Variants in NKAIN2 observed in about 807,000 individuals in gnomAD.
NKAIN2 encodes the protein sodium/potassium transporting ATPase interacting 2, also known as sodium/potassium-transporting ATPase subunit beta-1-interacting protein 2.
In NKAIN2, 14 loss-of-function variants were observed where a neutral mutation model predicts 32.6. That is an observed-to-expected ratio of 0.43 (90% confidence interval 0.28 to 0.67). NKAIN2 has a LOEUF of 0.67. Ranked by LOEUF, NKAIN2 falls within the 30% of genes least tolerant of loss-of-function variation. The pLI, the probability that NKAIN2 is intolerant of heterozygous loss-of-function variation, is 0.17. For missense variants in NKAIN2, 198 were observed against 258.3 expected (o/e 0.77, Z 1.60); for synonymous variants, 80 against 87.2 (o/e 0.92, Z 0.46).
intron 3 of NKAIN2, among the ~76,000 whole-genome samples, chr6:124,585,685 T>C (rs1781687270): frequency 6.6e-6 from 1 of 152,178 alleles, no homozygotes; most frequent in Non-Finnish European, 1.5e-5. Context: ...ATATAAAAGA[T>C]GTCCAAAATT....
At position 123,853,775 on chromosome 6, in the gene NKAIN2, C is replaced by CT. The variant is rs1247862956; in HGVS notation, c.54+49535dup. On this transcript the variant is annotated intron_variant, in intron 1 of 6. Coordinates refer to ENST00000368417, the MANE Select transcript of NKAIN2 (RefSeq NM_001040214.3). The stretch of plus-strand genomic sequence containing the variant: ...AATGAAATTGTAAAAGATAAATTTC[C>CT]TTTTTTTTTTTTTTGAGATAGAATT... Among the ~76,000 whole-genome samples the CT allele has an allele frequency of 7.0e-3, 985 of 141,296 alleles. 5 individuals are homozygous for CT. Among genetic ancestry groups the CT allele is most frequent in the Admixed American group, 0.017 (237 of 14,050 alleles). 92.7% of individuals were successfully genotyped at this position (141,296 alleles called of 152,430 possible).
At chr6:124,497,874 C>T (rs1249871057) in intron 3 of NKAIN2, among the ~76,000 whole-genome samples, 6 of 136,626 alleles carry the variant, frequency 4.4e-5, no homozygotes, top group African/African-American at 1.3e-4. Context: ...GATTCAAAAT[C>T]TCCAGAAAAA....
intron 4 of NKAIN2, among the ~76,000 whole-genome samples, chr6:124,729,949 C>G (rs1583746757): frequency 6.8e-6 from 1 of 147,534 alleles, no homozygotes; most frequent in East Asian, 2.0e-4. Context: ...TGAGTGAACT[C>G]CCATTCACAA....
chr6:124,163,871 C>T (rs1017829295), intron 1 of NKAIN2, among the ~76,000 whole-genome samples: 3 of 151,946 alleles, frequency 2.0e-5, no homozygotes, highest in African/African-American at 7.2e-5. Flanking sequence ...CAGTTAGTCT[C>T]CATTGATACA....
chr6:124,349,032 T>C (rs928552466), intron 2 of NKAIN2, among the ~76,000 whole-genome samples: 2 of 152,176 alleles, frequency 1.3e-5, no homozygotes, highest in South Asian at 2.1e-4. Context: ...GTTAGTACAA[T>C]GTTCCTTAGG....
chr6:123,952,907 A>G (rs1777393956), intron 1 of NKAIN2, among the ~76,000 whole-genome samples: 1 of 151,984 alleles, frequency 6.6e-6, no homozygotes, highest in Non-Finnish European at 1.5e-5. Context: ...GTTGTTGGAG[A>G]GTCACTGTAT....
Position 124,030,135 on chromosome 6 carries a change from G to A in NKAIN2, c.54+225881G>A, listed in dbSNP as rs543338893. Reference sequence around the variant, plus strand: ...TCACTGTCTCCCATCACCCCCATATGGGACTGTCTAGTGCAGGAAAACATG... The same window carrying A: ...TCACTGTCTCCCATCACCCCCATATAGGACTGTCTAGTGCAGGAAAACATG... On this transcript the variant is annotated intron_variant, in intron 1 of 6. Transcript: ENST00000368417. Among the ~76,000 whole-genome samples the A allele has an allele frequency of 9.9e-5, 15 of 152,226 alleles. No homozygotes were observed. The South Asian group carries it at 3.1e-3, about 32-fold the overall frequency.
intron 3 of NKAIN2, among the ~76,000 whole-genome samples, chr6:124,450,270 A>G (rs1322517066): frequency 1.3e-5 from 2 of 151,734 alleles, no homozygotes; most frequent in Admixed American, 6.6e-5. Context: ...ATTCAAGACA[A>G]TTGTTTTTCT....
At chr6:124,706,235 CACTTT>C (rs962083340) in intron 4 of NKAIN2, among the ~76,000 whole-genome samples, 77 of 152,080 alleles carry the variant, frequency 5.1e-4, no homozygotes, top group African/African-American at 1.8e-3. Context: ...GTCTTTACTT[CACTTT>C]ATTATTACAA....
intron 1 of NKAIN2, among the ~76,000 whole-genome samples, chr6:123,978,762 T>C (rs917561927): frequency 3.9e-5 from 6 of 152,198 alleles, no homozygotes; most frequent in Non-Finnish European, 7.4e-5. Context: ...TATTTTCAAC[T>C]GGTTGACTTG....
intron 1 of NKAIN2, among the ~76,000 whole-genome samples, chr6:123,976,310 T>TTCATATATATATATGTTC (rs1778583187): frequency 1.5e-5 from 1 of 67,680 alleles, no homozygotes; most frequent in Non-Finnish European, 3.1e-5. Context: ...TATATATGTT[T>TTCATATATATATATGTTC]CCATATATAT....
intron 1 of NKAIN2, among the ~76,000 whole-genome samples, chr6:124,140,327 T>G (rs1787072745): frequency 6.6e-6 from 1 of 152,178 alleles, no homozygotes; most frequent in South Asian, 2.1e-4. Flanking sequence ...AAAGCATAAA[T>G]TTATAATACG....
At chr6:123,873,954 A>G (rs1308064117) in intron 1 of NKAIN2, among the ~76,000 whole-genome samples, 3 of 150,716 alleles carry the variant, frequency 2.0e-5, no homozygotes, top group African/African-American at 7.4e-5. Flanking sequence ...TTTATTGTTA[A>G]AACAATGTTT....
intron 2 of NKAIN2, among the ~76,000 whole-genome samples, chr6:124,340,071 A>C (rs1018448802): frequency 6.6e-6 from 1 of 152,272 alleles, no homozygotes; most frequent in East Asian, 1.9e-4. Flanking sequence ...TTTTATTAGA[A>C]TTCTAAAACT....
intron 1 of NKAIN2, among the ~76,000 whole-genome samples, chr6:124,189,263 G>A (rs1789898059): frequency 6.6e-6 from 1 of 151,976 alleles, no homozygotes; most frequent in South Asian, 2.1e-4. Flanking sequence ...GCCTTTAAAG[G>A]GATTGAGCTC....
At position 124,724,970 on chromosome 6, in the gene NKAIN2, A is replaced by T. The variant is rs556126016; in HGVS notation, c.475-66369A>T. On this transcript the variant is annotated intron_variant, in intron 4 of 6. Coordinates refer to ENST00000368417, the MANE Select transcript of NKAIN2 (RefSeq NM_001040214.3). ...TATTTTATCCTCTTAAGGTCAAAGG[A>T]TCTCATAAAATTACAATGATTTCAT... Among the ~76,000 whole-genome samples, 43 of 152,286 alleles carry T rather than the reference A, an allele frequency of 2.8e-4. No homozygotes were observed. In the South Asian group the frequency reaches 8.9e-3, roughly 32 times the overall value.
At position 123,903,526 on chromosome 6, in the gene NKAIN2, G is replaced by A. The variant is rs530595445; in HGVS notation, c.54+99272G>A. On this transcript the variant is annotated intron_variant, in intron 1 of 6. Coordinates refer to ENST00000368417, the MANE Select transcript of NKAIN2 (RefSeq NM_001040214.3). ...ATGGCCCTGGGTGTTACTATCTACC[G>A]GATAGAGCAAGAGAAAGTTGACTCT... Among the ~76,000 whole-genome samples the A allele has an allele frequency of 1.5e-3, 235 of 152,180 alleles. 2 individuals are homozygous for A. Among genetic ancestry groups the A allele is most frequent in the African/African-American group, 5.5e-3 (229 of 41,532 alleles).
chr6:124,502,420 C>G (rs1185955986), intron 3 of NKAIN2, among the ~76,000 whole-genome samples: 1 of 152,130 alleles, frequency 6.6e-6, no homozygotes, highest in African/African-American at 2.4e-5. Flanking sequence ...GTCCTGCAAC[C>G]ACTCACGATC....
intron 1 of NKAIN2, among the ~76,000 whole-genome samples, chr6:124,120,346 C>T (rs991810115): frequency 1.3e-5 from 2 of 151,986 alleles, no homozygotes; most frequent in East Asian, 1.9e-4. Flanking sequence ...AAATGGTATC[C>T]ACCAATTACC....
Sources: allele counts gnomAD v4.1 joint callset (sites outside exome capture counted in the v4.1 genomes callset), GRCh38; gene constraint gnomAD v4.1.1; transcripts MANE v1.5; gene names NCBI Gene and HGNC (gene_info 2026-07-23, HGNC 2026-07-21).